Variants in ASPH observed in about 807,000 individuals in gnomAD.
ASPH encodes aspartate beta-hydroxylase, also known as aspartyl/asparaginyl beta-hydroxylase.
ASPH carries 100 observed loss-of-function variants against 118.4 expected under a neutral mutation model. That is an observed-to-expected ratio of 0.84 (90% CI 0.72 to 1.00). The LOEUF is 1.00. Ranked by LOEUF, ASPH falls within the 50% of genes least tolerant of loss-of-function variation. The probability of loss-of-function intolerance (pLI) is 0.00; values close to 1 mark genes in which losing one functional copy is unlikely to be tolerated. For synonymous variants in ASPH, 315 were observed against 325.6 expected (o/e 0.97, Z 0.35); for missense variants, 920 against 919.5 (o/e 1.00, Z -0.01).
In ASPH at chr8:61,663,856, C is replaced by T. The variant is rs180792400; in HGVS notation, c.323-10196G>A. On this transcript the variant is annotated intron_variant, in intron 3 of 24. Transcript: ENST00000379454. ...GTATTTGACTTTAAATAGTAAAAGG[C>T]GTTAACCTAAGAAAAAGGTGTACAA... 2.3e-4 allele frequency: 222 copies of T among 976,604 alleles called. No homozygotes were observed. The African/African-American group carries it at 3.5e-3, about 15-fold the overall frequency. The allele number at this position is 976,604 out of a possible 1,614,324, so 60.5% of individuals were successfully genotyped here.
intron 1 of ASPH, among the ~76,000 whole-genome samples, chr8:61,706,773 T>C (rs890659693): frequency 6.6e-6 from 1 of 152,178 alleles, no homozygotes; most frequent in African/African-American, 2.4e-5. Context: ...TACAAAGCTA[T>C]AGTGAGCAAT....
chr8:61,580,824 C>T (rs191438840), intron 15 of ASPH, among the ~76,000 whole-genome samples: 2 of 152,296 alleles, frequency 1.3e-5, no homozygotes. Context: ...ACTGGATAAT[C>T]CAGGATAATC....
intron 3 of ASPH, chr8:61,665,467 G>A (rs781102601): frequency 1.3e-6 from 2 of 1,572,834 alleles, no homozygotes; most frequent in Non-Finnish European, 1.7e-6. Context: ...ACTCCTTCCT[G>A]GATAGGTCTG....
intron 14 of ASPH, among the ~76,000 whole-genome samples, chr8:61,618,620 G>T (rs747290204): frequency 1.3e-5 from 2 of 152,034 alleles, no homozygotes; most frequent in East Asian, 1.9e-4. Context: ...AGCACTTTAC[G>T]TATATTTTCA....
chr8:61,518,582 A>T (rs1382623458), intron 22 of ASPH, among the ~76,000 whole-genome samples: 1 of 152,236 alleles, frequency 6.6e-6, no homozygotes, highest in Non-Finnish European at 1.5e-5. Context: ...TGTATTCTAT[A>T]CTATAGTCTT....
At chr8:61,618,268 C>T (rs1430904978) in intron 14 of ASPH, among the ~76,000 whole-genome samples, 1 of 152,096 alleles carries the variant, frequency 6.6e-6, no homozygotes. Context: ...GCTTTCATCA[C>T]TACAAATTAA....
intron 10 of ASPH, among the ~76,000 whole-genome samples, chr8:61,641,501 C>T (rs961465949): frequency 2.6e-5 from 4 of 152,128 alleles, no homozygotes; most frequent in Non-Finnish European, 5.9e-5. Flanking sequence ...GGCCCCAAAT[C>T]TTCCTGTGAA....
intron 16 of ASPH, among the ~76,000 whole-genome samples, chr8:61,572,225 T>C (rs1009163036): frequency 3.3e-5 from 5 of 152,192 alleles, no homozygotes; most frequent in Non-Finnish European, 4.4e-5. Flanking sequence ...ACCTTCTCCA[T>C]AGGGGTGCTG....
intron 3 of ASPH, among the ~76,000 whole-genome samples, chr8:61,665,961 C>G (rs1459522241): frequency 6.6e-6 from 1 of 152,046 alleles, no homozygotes; most frequent in Non-Finnish European, 1.5e-5. Flanking sequence ...GGAACACTGG[C>G]AACGTAAGAA....
chr8:61,686,799 T>C lies in ASPH; in HGVS notation c.104-2611A>G, dbSNP rs183123921. On this transcript the variant is annotated intron_variant, in intron 1 of 24. Coordinates refer to ENST00000379454, the MANE Select transcript of ASPH (RefSeq NM_004318.4). ...ATGCTAAAACTTCAGTAAAACTGGG[T>C]TCTTGTCTTATGTCCTCTTGAACAT... Among the ~76,000 whole-genome samples, 11 of 152,302 alleles carry C rather than the reference T, an allele frequency of 7.2e-5. No homozygotes were observed. In the East Asian group the frequency reaches 2.1e-3, roughly 29 times the overall value.
intron 3 of ASPH, among the ~76,000 whole-genome samples, chr8:61,666,195 T>C (rs1034075714): frequency 6.6e-6 from 1 of 152,216 alleles, no homozygotes; most frequent in East Asian, 1.9e-4. Flanking sequence ...ATTCTCTTTC[T>C]GCTTATATTC....
chr8:61,673,658 A>G (rs2151489038), intron 3 of ASPH, among the ~76,000 whole-genome samples: 1 of 152,348 alleles, frequency 6.6e-6, no homozygotes, highest in Non-Finnish European at 1.5e-5. Flanking sequence ...GAAAAGACTT[A>G]TATTATGAAA....
intron 18 of ASPH, among the ~76,000 whole-genome samples, chr8:61,561,590 C>T (rs1171379261): frequency 6.6e-6 from 1 of 152,124 alleles, no homozygotes; most frequent in Admixed American, 6.5e-5. Context: ...CAGTCCCTAC[C>T]AGAGTATGAA....
chr8:61,667,202 T>G (rs576695185), intron 3 of ASPH, among the ~76,000 whole-genome samples: 1 of 152,028 alleles, frequency 6.6e-6, no homozygotes, highest in African/African-American at 2.4e-5. Flanking sequence ...TATCACAGGC[T>G]TATAAAGAAA....
rs1211222135 is a variant in ASPH at position 61,517,937 on chromosome 8, T to C, written c.1992+95A>G. ...AAGGGCATGTAAAAAGAGGCATTCA[T>C]TGGGCCAAAGGAAACAACCATTTCT... On this transcript the variant is annotated intron_variant, in intron 23 of 24. Transcript: ENST00000379454. The C allele has an allele frequency of 1.2e-5, 16 of 1,320,556 alleles. No individual in the cohort carries two copies. The East Asian group carries it at 2.1e-4, about 17-fold the overall frequency. 81.8% of individuals were successfully genotyped at this position (1,320,556 alleles called of 1,614,324 possible).
At chr8:61,546,759 T>C (rs965475584) in intron 21 of ASPH, among the ~76,000 whole-genome samples, 4 of 152,208 alleles carry the variant, frequency 2.6e-5, no homozygotes, top group African/African-American at 9.6e-5. Context: ...TAGACCAAAT[T>C]AATCAGTGAA....
chr8:61,635,619 A>C (rs913032673), intron 12 of ASPH, among the ~76,000 whole-genome samples: 3 of 152,110 alleles, frequency 2.0e-5, no homozygotes, highest in Admixed American at 6.5e-5. Context: ...AACCTAATAC[A>C]TTCTAATAAT....
chr8:61,570,055 C>T (rs67933413), intron 16 of ASPH, among the ~76,000 whole-genome samples: 14,452 of 152,114 alleles, frequency 0.095, 978 homozygotes, highest in East Asian at 0.28. Context: ...TGACTTTCGA[C>T]GGGTTTACAC....
intron 19 of ASPH, among the ~76,000 whole-genome samples, chr8:61,554,822 C>T (rs550905722): frequency 9.9e-5 from 15 of 152,202 alleles, no homozygotes; most frequent in African/African-American, 1.4e-4. Flanking sequence ...AATGCAGCCT[C>T]GACCTCCTGG....
Sources: allele counts gnomAD v4.1 joint callset (sites outside exome capture counted in the v4.1 genomes callset), GRCh38; gene constraint gnomAD v4.1.1; transcripts MANE v1.5; gene names NCBI Gene and HGNC (gene_info 2026-07-23, HGNC 2026-07-21).